SOX6: variants seen among roughly 807,000 people sequenced by gnomAD.
The protein encoded by SOX6 is transcription factor SOX-6.
A neutral mutation model predicts 97.8 loss-of-function variants in SOX6; 11 were observed. The observed-to-expected ratio is 0.11, with a 90% CI of 0.07 to 0.19. SOX6 has a LOEUF of 0.19. Among genes scored for constraint, SOX6 ranks in the 10% least tolerant of loss-of-function variants. SOX6 has a pLI of 1.00. For missense variants in SOX6, 810 were observed against 1,039.5 expected (o/e 0.78, Z 3.04); for synonymous variants, 360 against 371.4 (o/e 0.97, Z 0.35).
chr11:16,409,025 G>A (rs2133053394), intron 1 of SOX6: 1 of 152,212 alleles, frequency 6.6e-6, no homozygotes, highest in African/African-American at 2.4e-5. Flanking sequence ...TTAGACCTCA[G>A]ATCACCTTCA....
chr11:16,126,843 C>T (rs549787495), intron 6 of SOX6, among the ~76,000 whole-genome samples: 1 of 152,234 alleles, frequency 6.6e-6, no homozygotes, highest in African/African-American at 2.4e-5. Flanking sequence ...AACATCTATT[C>T]CAATTTCTCT....
intron 1 of SOX6, among the ~76,000 whole-genome samples, chr11:16,368,079 A>C (rs1182783050): frequency 6.6e-6 from 1 of 152,148 alleles, no homozygotes; most frequent in Non-Finnish European, 1.5e-5. Flanking sequence ...GTGAGGACTT[A>C]CTATAGTCTC....
Position 16,428,297 on chromosome 11 carries a change from G to A in SOX6, c.-5+48018C>T, listed in dbSNP as rs541368111. 2.1e-4 allele frequency among the ~76,000 whole-genome samples: 32 copies of A among 152,252 alleles called. No homozygotes were observed. In the South Asian group the frequency reaches 6.4e-3, roughly 31 times the overall value. ...AGGTTGCCTGTTCACTCTGATGGTA[G>A]TTTCTTTTGCTGTGCAGAAGCTCTT... On this transcript the variant is annotated intron_variant, in intron 1 of 15. Transcript: ENST00000396356.
At chr11:16,526,476 C>A (rs1334379592) in intron 4 of SOX6, among the ~76,000 whole-genome samples, 2 of 151,324 alleles carry the variant, frequency 1.3e-5, no homozygotes, top group Non-Finnish European at 2.9e-5. Context: ...CACTCCGGGG[C>A]CTGTTGTGGG....
At position 16,234,459 on chromosome 11, in the gene SOX6, C is replaced by T. The variant is rs1240124096; in HGVS notation, c.535+123G>A. On this transcript the variant is annotated intron_variant, in intron 4 of 15. Transcript: ENST00000683767. ...CAGAAACCTATAATATTCACCCTCT[C>T]ATGTACAATCAAATGTTACATGTAA... The T allele has an allele frequency of 1.3e-5, 8 of 637,522 alleles. No individual in the cohort carries two copies. In the East Asian group the frequency reaches 2.4e-4, roughly 19 times the overall value. The allele number at this position is 637,522 out of a possible 1,614,324, so 39.5% of individuals were successfully genotyped here.
chr11:16,350,945 T>C (rs1346429915), intron 1 of SOX6, among the ~76,000 whole-genome samples: 4 of 152,062 alleles, frequency 2.6e-5, no homozygotes, highest in African/African-American at 7.2e-5. Flanking sequence ...TAAATTAAAG[T>C]GAATAGATAA....
At chr11:16,486,562 T>A (rs1336925346) in intron 4 of SOX6, among the ~76,000 whole-genome samples, 1 of 152,144 alleles carries the variant, frequency 6.6e-6, no homozygotes, top group Non-Finnish European at 1.5e-5. Flanking sequence ...GAGTGCTTAT[T>A]AAAATAAAAA....
At chr11:16,131,070 A>T (rs770116293) in intron 6 of SOX6, among the ~76,000 whole-genome samples, 2 of 151,932 alleles carry the variant, frequency 1.3e-5, no homozygotes, top group African/African-American at 2.4e-5. Flanking sequence ...TTAAAAACAG[A>T]ACAAAAGCGT....
intron 4 of SOX6, among the ~76,000 whole-genome samples, chr11:16,565,956 C>T (rs1390399310): frequency 1.3e-5 from 2 of 151,794 alleles, no homozygotes; most frequent in Non-Finnish European, 2.9e-5. Flanking sequence ...ATTAGTCAGG[C>T]GTGGTGACGG....
At chr11:16,075,219 A>G (rs1848324110) in intron 9 of SOX6, among the ~76,000 whole-genome samples, 1 of 152,164 alleles carries the variant, frequency 6.6e-6, no homozygotes. Flanking sequence ...AATACCCAAG[A>G]CTGGGTAATT....
intron 2 of SOX6, among the ~76,000 whole-genome samples, chr11:16,329,780 T>C (rs1856227032): frequency 6.6e-6 from 1 of 152,196 alleles, no homozygotes; most frequent in Non-Finnish European, 1.5e-5. Flanking sequence ...ATTTGGCCTC[T>C]CCCTAAACGC....
intron 1 of SOX6, among the ~76,000 whole-genome samples, chr11:16,355,295 G>A (rs1857044282): frequency 1.3e-5 from 2 of 151,960 alleles, no homozygotes; most frequent in Admixed American, 6.6e-5. Flanking sequence ...ACTTTGACAG[G>A]CATGATGGAA....
At chr11:16,497,895 A>C (rs2133138674) in intron 4 of SOX6, among the ~76,000 whole-genome samples, 1 of 152,372 alleles carries the variant, frequency 6.6e-6, no homozygotes, top group South Asian at 2.1e-4. Context: ...AACACTCTGC[A>C]GGATATTATC....
At chr11:16,260,804 A>T (rs1389860925) in intron 3 of SOX6, among the ~76,000 whole-genome samples, 1 of 152,170 alleles carries the variant, frequency 6.6e-6, no homozygotes, top group Non-Finnish European at 1.5e-5. Context: ...AATCCTTCAT[A>T]TAGCTTAAAA....
At chr11:16,144,092 T>C (rs1012736184) in intron 6 of SOX6, among the ~76,000 whole-genome samples, 5 of 152,118 alleles carry the variant, frequency 3.3e-5, no homozygotes, top group African/African-American at 4.8e-5. Context: ...ATTGACCACA[T>C]AGTTGGAAGT....
At chr11:16,628,421 G>A (rs776505680) in intron 3 of SOX6, among the ~76,000 whole-genome samples, 42 of 151,914 alleles carry the variant, frequency 2.8e-4, no homozygotes, top group Non-Finnish European at 4.7e-4. Context: ...GTCAGGAGGT[G>A]GAGACCAGCC....
chr11:16,281,091 G>A (rs963043647), intron 3 of SOX6, among the ~76,000 whole-genome samples: 3 of 152,058 alleles, frequency 2.0e-5, no homozygotes, highest in Admixed American at 2.0e-4. Context: ...ACGAGAGTTA[G>A]AGTTTTTCTA....
intron 15 of SOX6, among the ~76,000 whole-genome samples, chr11:15,978,773 G>T (rs1403155743): frequency 3.6e-5 from 5 of 138,134 alleles, no homozygotes; most frequent in African/African-American, 1.3e-4. Flanking sequence ...GAATTTAGGA[G>T]CAAAGGGCTC....
intron 3 of SOX6, among the ~76,000 whole-genome samples, chr11:16,265,286 T>C (rs1469450145): frequency 1.3e-5 from 2 of 151,864 alleles, no homozygotes; most frequent in African/African-American, 4.8e-5. Context: ...CTGGGAATAG[T>C]CCTATCTTCA....
Sources: allele counts gnomAD v4.1 joint callset (sites outside exome capture counted in the v4.1 genomes callset), GRCh38; gene constraint gnomAD v4.1.1; transcripts MANE v1.5; gene names NCBI Gene and HGNC (gene_info 2026-07-23, HGNC 2026-07-21).